Variants in ANO3 observed in about 807,000 individuals in gnomAD.
The protein encoded by ANO3 is anoctamin-3.
In ANO3, 99 loss-of-function variants were observed where a neutral mutation model predicts 144.8. The observed-to-expected ratio is 0.68, with a 90% CI of 0.58 to 0.81. The LOEUF (loss-of-function observed/expected upper bound fraction) is 0.81. ANO3 is among the 30% of genes least tolerant of loss of function. The pLI is 0.00. For missense variants in ANO3, 905 were observed against 1,202.2 expected (o/e 0.75, Z 3.66); for synonymous variants, 414 against 392.6 (o/e 1.05, Z -0.64).
At chr11:26,462,577 TTCTC>T (rs912233408) in intron 3 of ANO3, among the ~76,000 whole-genome samples, 12 of 151,842 alleles carry the variant, frequency 7.9e-5, no homozygotes, top group African/African-American at 2.7e-4. Context: ...TTTCTACTAT[TTCTC>T]AGACTTTTTG....
intron 1 of ANO3, among the ~76,000 whole-genome samples, chr11:26,360,063 C>A (rs1364737979): frequency 6.6e-6 from 1 of 151,752 alleles, no homozygotes; most frequent in Admixed American, 6.6e-5. Flanking sequence ...TTCCCATTAT[C>A]CTATTTTGAT....
At chr11:26,569,885 TG>T (rs1231373929) in intron 14 of ANO3, among the ~76,000 whole-genome samples, 2 of 151,968 alleles carry the variant, frequency 1.3e-5, no homozygotes, top group Admixed American at 6.6e-5. Context: ...AAAGTAGAAT[TG>T]CAGAGGGAGA....
chr11:26,330,648 C>G (rs1328092091), upstream of ANO3, among the ~76,000 whole-genome samples: 2 of 152,152 alleles, frequency 1.3e-5, no homozygotes, highest in Non-Finnish European at 2.9e-5. Context: ...CTGTCTGAAT[C>G]TAGCCCACCT....
chr11:26,281,703 TATTTAA>T (rs1223094951), intron 1 of ANO3, among the ~76,000 whole-genome samples: 14 of 152,202 alleles, frequency 9.2e-5, no homozygotes, highest in Non-Finnish European at 1.9e-4. Flanking sequence ...TATTTATGTT[TATTTAA>T]AGATTAATAT....
chr11:26,556,067 A>G (rs143699638), intron 13 of ANO3, among the ~76,000 whole-genome samples: 1 of 152,198 alleles, frequency 6.6e-6, no homozygotes, highest in Non-Finnish European at 1.5e-5. Flanking sequence ...GTCCTATCAT[A>G]TGATAAAAAT....
chr11:26,655,893 C>T (rs1853672216), intron 24 of ANO3, among the ~76,000 whole-genome samples: 1 of 151,564 alleles, frequency 6.6e-6, no homozygotes, highest in African/African-American at 2.4e-5. Context: ...AAACATAAAC[C>T]AGATGAAAAG....
At chr11:26,641,251 C>T (rs1352166997) in intron 21 of ANO3, among the ~76,000 whole-genome samples, 1 of 152,136 alleles carries the variant, frequency 6.6e-6, no homozygotes, top group African/African-American at 2.4e-5. Context: ...TTGTTCACTA[C>T]AATAGCAGAA....
intron 4 of ANO3, among the ~76,000 whole-genome samples, chr11:26,504,307 T>A (rs1051653113): frequency 6.6e-6 from 1 of 152,152 alleles, no homozygotes; most frequent in Non-Finnish European, 1.5e-5. Flanking sequence ...GTTAACCCTA[T>A]CTGAATACAT....
At chr11:26,550,648 C>T (rs1171007064) in intron 12 of ANO3, among the ~76,000 whole-genome samples, 2 of 151,970 alleles carry the variant, frequency 1.3e-5, no homozygotes, top group Non-Finnish European at 2.9e-5. Context: ...ATATATACCA[C>T]ATTTTCTTTC....
intron 1 of ANO3, among the ~76,000 whole-genome samples, chr11:26,294,365 C>CA (rs1159718602): frequency 1.3e-5 from 2 of 152,122 alleles, no homozygotes; most frequent in Non-Finnish European, 2.9e-5. Context: ...ACAGGATCTT[C>CA]AAAATAGTGC....
chr11:26,548,888 CT>C (rs946779964), intron 12 of ANO3, among the ~76,000 whole-genome samples: 18 of 151,036 alleles, frequency 1.2e-4, no homozygotes, highest in African/African-American at 4.4e-4. Context: ...TCCCCGTATT[CT>C]GTTGTATCAG....
intron 24 of ANO3, among the ~76,000 whole-genome samples, chr11:26,654,300 T>C (rs773347955): frequency 2.6e-5 from 4 of 152,174 alleles, no homozygotes; most frequent in African/African-American, 7.2e-5. Flanking sequence ...GTTTGGTTGT[T>C]TGTTTTTAGA....
At position 26,660,579 on chromosome 11, in the gene ANO3, C is replaced by G; in HGVS notation, c.*135C>G. 1 of 729,544 alleles carries G rather than the reference C, an allele frequency of 1.4e-6. No individual in the cohort carries two copies. Among genetic ancestry groups the G allele is most frequent in the Non-Finnish European group, 2.1e-6 (1 of 465,788 alleles). 45.2% of individuals were successfully genotyped at this position (729,544 alleles called of 1,614,324 possible). A position where few individuals can be genotyped will look rare whatever the true frequency, so the allele number is the denominator to read the frequency against. On this transcript the variant is annotated 3_prime_UTR_variant, in exon 27 of 27. Transcript: ENST00000256737. ...TAATATGCTACTTGGAAATGTATCA[C>G]AGCCATCTCTGGGATTTGAAATATC...
chr11:26,209,038 C>A (rs1408124586), intron 1 of ANO3, among the ~76,000 whole-genome samples: 1 of 152,128 alleles, frequency 6.6e-6, no homozygotes, highest in African/African-American at 2.4e-5. Flanking sequence ...GTTACATGTG[C>A]AGAATGTGTA....
At chr11:26,373,153 CTT>C (rs1856310182) in intron 1 of ANO3, among the ~76,000 whole-genome samples, 1 of 152,052 alleles carries the variant, frequency 6.6e-6, no homozygotes, top group Middle Eastern at 3.2e-3. Flanking sequence ...AATCACAACT[CTT>C]TATTATTGGT....
At chr11:26,409,763 C>T (rs1857383197) in intron 1 of ANO3, among the ~76,000 whole-genome samples, 1 of 151,844 alleles carries the variant, frequency 6.6e-6, no homozygotes, top group Non-Finnish European at 1.5e-5. Context: ...TATTAAATTG[C>T]GTGTGAGTAG....
At chr11:26,587,724 A>C in intron 14 of ANO3, among the ~76,000 whole-genome samples, 1 of 152,140 alleles carries the variant, frequency 6.6e-6, no homozygotes, top group East Asian at 1.9e-4. Context: ...TGGGAAGCCA[A>C]GGCAGGAGGA....
chr11:26,243,668 A>G (rs1852714145), intron 1 of ANO3, among the ~76,000 whole-genome samples: 1 of 152,216 alleles, frequency 6.6e-6, no homozygotes, highest in South Asian at 2.1e-4. Flanking sequence ...TGGAGATACA[A>G]TAACACCACT....
chr11:26,440,179 T>A (rs1858461139), intron 1 of ANO3, among the ~76,000 whole-genome samples: 1 of 152,150 alleles, frequency 6.6e-6, no homozygotes, highest in African/African-American at 2.4e-5. Flanking sequence ...AGGGAGTGAT[T>A]CACGATCAAG....
Sources: allele counts gnomAD v4.1 joint callset (sites outside exome capture counted in the v4.1 genomes callset), GRCh38; gene constraint gnomAD v4.1.1; transcripts MANE v1.5; gene names NCBI Gene and HGNC (gene_info 2026-07-23, HGNC 2026-07-21).